The following CCDC170 variants were observed in gnomAD, a reference collection of about 807,000 sequenced individuals.
CCDC170 encodes the protein coiled-coil domain containing 170.
CCDC170 carries 69 observed loss-of-function variants against 72.6 expected under a neutral mutation model. That is an observed-to-expected ratio of 0.95 (90% CI 0.78 to 1.16). The LOEUF (loss-of-function observed/expected upper bound fraction) is 1.16, where lower values mean the gene tolerates loss of function less well. CCDC170 is among the 50% of genes most tolerant of loss of function. The pLI, the probability that CCDC170 is intolerant of heterozygous loss-of-function variation, is 0.00. For missense variants in CCDC170, 852 were observed against 832.5 expected (o/e 1.02, Z -0.29); for synonymous variants, 300 against 303.9 (o/e 0.99, Z 0.13).
chr6:151,518,278 C>A (rs1782265448), intron 1 of CCDC170, among the ~76,000 whole-genome samples: 1 of 152,110 alleles, frequency 6.6e-6, no homozygotes, highest in African/African-American at 2.4e-5. Context: ...TCTAAGCCAG[C>A]CCATCTCCAG....
chr6:151,562,679 C>T (rs1562283247), intron 5 of CCDC170, among the ~76,000 whole-genome samples: 1 of 152,174 alleles, frequency 6.6e-6, no homozygotes, highest in Non-Finnish European at 1.5e-5. Flanking sequence ...TGGAATAGCA[C>T]TAAGCTCTTC....
intron 9 of CCDC170, among the ~76,000 whole-genome samples, chr6:151,614,662 G>A (rs1295239177): frequency 2.0e-5 from 3 of 148,412 alleles, no homozygotes; most frequent in Admixed American, 2.0e-4. Flanking sequence ...TAGAGATGGT[G>A]TTTCACCATG....
chr6:151,610,395 A>G (rs574895947), intron 9 of CCDC170, among the ~76,000 whole-genome samples: 2 of 152,334 alleles, frequency 1.3e-5, no homozygotes, highest in Admixed American at 6.5e-5. Context: ...AATGGCAGGA[A>G]TAGTATAATG....
At chr6:151,557,967 A>T (rs534937719) in intron 5 of CCDC170, among the ~76,000 whole-genome samples, 1 of 152,068 alleles carries the variant, frequency 6.6e-6, no homozygotes, top group Non-Finnish European at 1.5e-5. Context: ...GGACGTGGTG[A>T]TACACACTTG....
chr6:151,582,568 G>C (rs928042452), intron 6 of CCDC170, among the ~76,000 whole-genome samples: 4 of 152,076 alleles, frequency 2.6e-5, no homozygotes, highest in Non-Finnish European at 5.9e-5. Context: ...TAGTCCTTTT[G>C]TGTTGCCATA....
intron 9 of CCDC170, among the ~76,000 whole-genome samples, chr6:151,611,418 T>C (rs570540956): frequency 3.9e-5 from 6 of 152,216 alleles, no homozygotes; most frequent in Non-Finnish European, 7.3e-5. Flanking sequence ...GCAGATTTGA[T>C]GTCTGGTGAG....
In CCDC170 at chr6:151,617,975, A is replaced by C. The variant is rs757023191; in HGVS notation, c.1976A>C (p.Gln659Pro). The change falls in exon 11 of 11, where the codon CAG becomes CCG. Residue 659 changes from glutamine to proline, a missense_variant. By Grantham distance (76) the Gln-to-Pro change is moderately conservative. Transcript: ENST00000239374. ...QLADFREVVSQMLGLNVTSLA... is the reference protein window; with the variant it reads ...QLADFREVVSPMLGLNVTSLA... ...GCAGACTTCAGGGAGGTGGTGTCGC[A>C]GATGCTAGGCTTGAACGTGACCAGC... 5.0e-6 allele frequency: 8 copies of C among 1,613,958 alleles called. No homozygotes were observed. The highest frequency in any genetic ancestry group is 6.8e-6 in the Non-Finnish European group (8 of 1,179,892).
Position 151,585,907 on chromosome 6 carries a change from G to T in CCDC170, c.1111G>T (p.Ala371Ser). The T allele has an allele frequency of 6.2e-7, 1 of 1,613,666 alleles. No individual in the cohort carries two copies. Among genetic ancestry groups the T allele is most frequent in the East Asian group, 2.2e-5 (1 of 44,858 alleles). ...TTTCCAGATGGTCTCCCAGCTTGAA[G>T]CCCAAATATCTGAGCTTGTTGAACA... is the stretch of plus-strand genomic sequence containing the variant. ...SRDRMVSQLE[A>S]QISELVEQLG... The change falls in exon 7 of 11, where the codon GCC (alanine) becomes TCC (serine). Residue 371 changes from alanine to serine, a missense_variant. By Grantham distance (99) the Ala-to-Ser change is moderately conservative. Coordinates refer to ENST00000239374, the MANE Select transcript of CCDC170 (RefSeq NM_025059.4).
chr6:151,562,134 T>C (rs185141537), intron 5 of CCDC170, among the ~76,000 whole-genome samples: 6 of 152,314 alleles, frequency 3.9e-5, no homozygotes. Flanking sequence ...TTTTTCTGGT[T>C]TTTTATGTAA....
chr6:151,592,442 A>G (rs1378236790), intron 7 of CCDC170, among the ~76,000 whole-genome samples: 5 of 152,094 alleles, frequency 3.3e-5, no homozygotes, highest in South Asian at 2.1e-4. Flanking sequence ...GGTTTAATGG[A>G]CTCACAGTTC....
intron 1 of CCDC170, among the ~76,000 whole-genome samples, chr6:151,509,623 G>A (rs1212894361): frequency 6.6e-6 from 1 of 152,104 alleles, no homozygotes; most frequent in Non-Finnish European, 1.5e-5. Context: ...TATGAACGTG[G>A]AAGAATCCAT....
intron 4 of CCDC170, among the ~76,000 whole-genome samples, chr6:151,545,435 A>G (rs973112803): frequency 1.3e-5 from 2 of 152,074 alleles, no homozygotes; most frequent in Non-Finnish European, 2.9e-5. Flanking sequence ...AACAAAACAA[A>G]ATAGCAAAAA....
chr6:151,504,819 G>A (rs1782042989), intron 1 of CCDC170, among the ~76,000 whole-genome samples: 1 of 151,622 alleles, frequency 6.6e-6, no homozygotes, highest in Non-Finnish European at 1.5e-5. Flanking sequence ...ATCGCAGGAG[G>A]GCATGAAGTA....
At chr6:151,575,632 C>G (rs993475189) in intron 6 of CCDC170, among the ~76,000 whole-genome samples, 2 of 137,698 alleles carry the variant, frequency 1.5e-5, no homozygotes, top group Non-Finnish European at 3.0e-5. Context: ...CAGGTTCAAG[C>G]AATACTCCTG....
At chr6:151,584,064 G>A (rs866466360) in intron 6 of CCDC170, among the ~76,000 whole-genome samples, 2 of 152,316 alleles carry the variant, frequency 1.3e-5, no homozygotes, top group Middle Eastern at 3.4e-3. Context: ...GTGACACAGG[G>A]ACACAAAGTG....
At chr6:151,547,780 G>A (rs1002064547) in intron 4 of CCDC170, among the ~76,000 whole-genome samples, 2 of 152,152 alleles carry the variant, frequency 1.3e-5, no homozygotes, top group African/African-American at 4.8e-5. Context: ...CCATTCCAAT[G>A]CACAACATAG....
chr6:151,603,646 A>G (rs1460687315), intron 9 of CCDC170, among the ~76,000 whole-genome samples: 1 of 152,176 alleles, frequency 6.6e-6, no homozygotes, highest in Non-Finnish European at 1.5e-5. Flanking sequence ...TGGCTTAGAG[A>G]GGAGAGGCAT....
chr6:151,599,665 TAGAG>T (rs924895426), intron 9 of CCDC170, among the ~76,000 whole-genome samples: 12 of 151,744 alleles, frequency 7.9e-5, no homozygotes, highest in African/African-American at 1.4e-4. Context: ...GAGAGAGAGA[TAGAG>T]AGAGAGCAGA....
At chr6:151,573,607 G>A (rs1360926126) in intron 6 of CCDC170, 116 bp downstream of exon 6, 2 of 1,009,778 alleles carry the variant, frequency 2.0e-6, no homozygotes, top group African/African-American at 3.3e-5. Context: ...CCCGAGACTG[G>A]GTAATTTATA....
Sources: gnomAD v4.1 joint callset for allele counts (sites outside exome capture counted in the v4.1 genomes callset) on GRCh38, gnomAD v4.1.1 for gene constraint, MANE v1.5 for transcripts, NCBI Gene and HGNC (gene_info 2026-07-23, HGNC 2026-07-21) for gene names.